Variants in LEKR1 observed in about 807,000 individuals in gnomAD.
The protein encoded by LEKR1 is leucine, glutamate and lysine rich 1.
A neutral mutation model predicts 72.4 loss-of-function variants in LEKR1; 59 were observed. That is an observed-to-expected ratio of 0.82 (90% CI 0.66 to 1.01). The LOEUF (loss-of-function observed/expected upper bound fraction) is 1.01, where lower values mean the gene tolerates loss of function less well. Among genes scored for constraint, LEKR1 ranks in the 50% least tolerant of loss-of-function variants. LEKR1 has a pLI of 0.00. For synonymous variants in LEKR1, 257 were observed against 263.2 expected (o/e 0.98, Z 0.23); for missense variants, 728 against 759.2 (o/e 0.96, Z 0.48).
intron 5 of LEKR1, among the ~76,000 whole-genome samples, chr3:156,931,596 A>C (rs928147179): frequency 2.0e-5 from 3 of 152,192 alleles, no homozygotes; most frequent in Non-Finnish European, 4.4e-5. Flanking sequence ...AAACTGCAAA[A>C]AACTCAGGAG....
At chr3:156,904,587 G>A (rs1288856042) in intron 3 of LEKR1, among the ~76,000 whole-genome samples, 1 of 151,244 alleles carries the variant, frequency 6.6e-6, no homozygotes, top group Non-Finnish European at 1.5e-5. Flanking sequence ...AACCTCTGGA[G>A]TAACTGGACT....
At chr3:156,960,063 A>G (rs1727979977) in intron 6 of LEKR1, among the ~76,000 whole-genome samples, 2 of 152,112 alleles carry the variant, frequency 1.3e-5, no homozygotes, top group South Asian at 4.1e-4. Flanking sequence ...TTTATCCTTA[A>G]TGAATATATG....
At chr3:157,028,997 C>G (rs1032043) in intron 12 of LEKR1, among the ~76,000 whole-genome samples, 152,338 of 152,338 alleles carry the variant, frequency 1, 76,169 homozygotes, top group Non-Finnish European at 1. Context: ...TTTAGAAATA[C>G]TGAAACAATT....
At chr3:156,902,921 TTC>T (rs144750690) in intron 3 of LEKR1, among the ~76,000 whole-genome samples, 150 of 152,240 alleles carry the variant, frequency 9.9e-4, no homozygotes, top group Middle Eastern at 6.8e-3. Context: ...GTAAGCATTT[TTC>T]TGTTATTTTA....
intron 3 of LEKR1, among the ~76,000 whole-genome samples, chr3:156,898,921 G>T (rs916784300): frequency 6.6e-6 from 1 of 152,088 alleles, no homozygotes; most frequent in African/African-American, 2.4e-5. Flanking sequence ...AGGTTTAAAT[G>T]AAAAAACATC....
chr3:157,036,966 G>C (rs189565189), intron 12 of LEKR1, among the ~76,000 whole-genome samples: 4 of 152,252 alleles, frequency 2.6e-5, no homozygotes, highest in African/African-American at 9.6e-5. Flanking sequence ...GGAAGAAAAT[G>C]TCATCTTAGT....
chr3:156,872,325 C>G (rs988301813), intron 3 of LEKR1, among the ~76,000 whole-genome samples: 3 of 151,822 alleles, frequency 2.0e-5, no homozygotes, highest in African/African-American at 7.3e-5. Flanking sequence ...TTTTCTCATA[C>G]TCTGTTTTGG....
rs1731935916 is a variant in LEKR1 at position 157,000,694 on chromosome 3, AG to A, written c.1109+7418del. Among the ~76,000 whole-genome samples, 3 of 152,184 alleles carry A rather than the reference AG, an allele frequency of 2.0e-5. No individual in the cohort carries two copies. The South Asian group carries it at 6.2e-4, about 32-fold the overall frequency. Reference sequence around the variant, plus strand: ...CCTGCACCGGCCATGTAAGATATTCAGTAAATATCTGTTGAATTCATTATTA... The same window carrying A: ...CCTGCACCGGCCATGTAAGATATTCATAAATATCTGTTGAATTCATTATTA... On this transcript the variant is annotated intron_variant, in intron 9 of 12. Transcript: ENST00000356539.
At chr3:157,000,575 G>C (rs990280379) in intron 9 of LEKR1, among the ~76,000 whole-genome samples, 1 of 152,114 alleles carries the variant, frequency 6.6e-6, no homozygotes, top group Non-Finnish European at 1.5e-5. Flanking sequence ...GTGCCTGGTA[G>C]GTTGTAGGTA....
intron 3 of LEKR1, among the ~76,000 whole-genome samples, chr3:156,909,060 T>C (rs959094208): frequency 1.3e-5 from 2 of 152,160 alleles, no homozygotes; most frequent in East Asian, 3.9e-4. Flanking sequence ...GATGGTTTTA[T>C]AAGGGGAAAA....
In LEKR1 at chr3:156,955,810, TTTGTTGTTG is replaced by T. The variant is rs75693810; in HGVS notation, c.745+13114_745+13122del. On this transcript the variant is annotated intron_variant, in intron 6 of 12. Transcript: ENST00000356539. Reference sequence around the variant, plus strand: ...GGATATATTGGCCTGAAGTTTTCTTTTTGTTGTTGTTGTTGTTGTTGTTGTTACATCTCT... The same window carrying T: ...GGATATATTGGCCTGAAGTTTTCTTTTTGTTGTTGTTGTTGTTACATCTCT... 3.3e-5 allele frequency among the ~76,000 whole-genome samples: 5 copies of T among 151,810 alleles called. No individual in the cohort carries two copies. The South Asian group carries it at 8.3e-4, about 25-fold the overall frequency.
chr3:156,944,014 T>G (rs1726464051), intron 6 of LEKR1, among the ~76,000 whole-genome samples: 1 of 151,784 alleles, frequency 6.6e-6, no homozygotes, highest in Non-Finnish European at 1.5e-5. Flanking sequence ...TATTATATTC[T>G]ACATTTGATT....
chr3:157,009,390 C>CA (rs1732716838), intron 9 of LEKR1, among the ~76,000 whole-genome samples: 2 of 152,110 alleles, frequency 1.3e-5, no homozygotes, highest in Admixed American at 6.5e-5. Context: ...TCAATAGTTA[C>CA]ATGAAGCTAG....
At chr3:156,896,299 A>G (rs1381005133) in intron 3 of LEKR1, among the ~76,000 whole-genome samples, 1 of 152,190 alleles carries the variant, frequency 6.6e-6, no homozygotes, top group African/African-American at 2.4e-5. Context: ...ACCATGGCAC[A>G]TGTTTACCTA....
chr3:156,909,865 T>C (rs995769839), intron 3 of LEKR1, among the ~76,000 whole-genome samples: 1 of 152,102 alleles, frequency 6.6e-6, no homozygotes, highest in Admixed American at 6.5e-5. Flanking sequence ...GAAAATTTCT[T>C]TGTTCCACTT....
At chr3:156,933,186 A>G (rs1005527505) in intron 5 of LEKR1, among the ~76,000 whole-genome samples, 2 of 152,228 alleles carry the variant, frequency 1.3e-5, no homozygotes, top group Non-Finnish European at 2.9e-5. Flanking sequence ...GCCACAGTTA[A>G]TAATACAGAT....
intron 3 of LEKR1, among the ~76,000 whole-genome samples, chr3:156,901,178 T>A (rs1721999362): frequency 6.6e-6 from 1 of 152,148 alleles, no homozygotes; most frequent in Non-Finnish European, 1.5e-5. Context: ...TCTAACAAAT[T>A]TTCTTTTCTT....
At position 156,921,792 on chromosome 3, in the gene LEKR1, G is replaced by A. The variant is rs201165220; in HGVS notation, c.383+1098G>A. Reference sequence around the variant, plus strand: ...GATTTACCTTTAAAGGCTGGACTGGGACTAGACCAAATAATTATTGCCGCT... The same window carrying A: ...GATTTACCTTTAAAGGCTGGACTGGAACTAGACCAAATAATTATTGCCGCT... On this transcript the variant is annotated intron_variant, in intron 4 of 12. Coordinates refer to ENST00000356539, the MANE Select transcript of LEKR1 (RefSeq NM_001004316.3). Among the ~76,000 whole-genome samples, 12 of 152,276 alleles carry A rather than the reference G, an allele frequency of 7.9e-5. No individual in the cohort carries two copies. In the East Asian group the frequency reaches 2.3e-3, roughly 29 times the overall value.
At chr3:156,966,799 G>A (rs567447634) in intron 6 of LEKR1, among the ~76,000 whole-genome samples, 2 of 152,302 alleles carry the variant, frequency 1.3e-5, no homozygotes, top group Admixed American at 6.5e-5. Flanking sequence ...CCAGCACGCA[G>A]CTGGAGATCT....
Sources: allele counts gnomAD v4.1 joint callset (sites outside exome capture counted in the v4.1 genomes callset), GRCh38; gene constraint gnomAD v4.1.1; transcripts MANE v1.5; gene names NCBI Gene and HGNC (gene_info 2026-07-23, HGNC 2026-07-21).